STK3: variants seen among roughly 807,000 people sequenced by gnomAD.
STK3 encodes serine/threonine kinase 3.
A neutral mutation model predicts 58.0 loss-of-function variants in STK3; 41 were observed. The observed-to-expected ratio is 0.71, with a 90% CI of 0.55 to 0.92. The LOEUF is 0.92. Ranked by LOEUF, STK3 falls within the 40% of genes least tolerant of loss-of-function variation. STK3 has a pLI of 0.00. For synonymous variants in STK3, 170 were observed against 191.0 expected, an observed-to-expected ratio of 0.89 and a Z score of 0.91; for missense variants, 479 against 602.7, an observed-to-expected ratio of 0.79 and a Z score of 2.15.
intron 6 of STK3, among the ~76,000 whole-genome samples, chr8:98,651,067 G>T (rs1236632455): frequency 3.3e-5 from 5 of 152,212 alleles, no homozygotes; most frequent in African/African-American, 9.6e-5. Context: ...CCTGGCCCTG[G>T]AGCCGCCTAA....
At chr8:98,802,023 T>C (rs1162065093) in intron 1 of STK3, among the ~76,000 whole-genome samples, 3 of 152,120 alleles carry the variant, frequency 2.0e-5, no homozygotes, top group African/African-American at 7.2e-5. Flanking sequence ...CATTTTAAAA[T>C]TAGCCAGGCA....
At chr8:98,658,084 TTA>T (rs1252678926) in intron 6 of STK3, among the ~76,000 whole-genome samples, 3 of 152,022 alleles carry the variant, frequency 2.0e-5, no homozygotes, top group African/African-American at 7.2e-5. Flanking sequence ...TATAAAATCT[TTA>T]TATGTCAGTA....
intron 8 of STK3, among the ~76,000 whole-genome samples, chr8:98,555,665 AC>A (rs1654383164): frequency 6.6e-6 from 1 of 152,168 alleles, no homozygotes; most frequent in South Asian, 2.1e-4. Flanking sequence ...TCAGAAAAAA[AC>A]GTGTAAAATA....
intron 2 of STK3, among the ~76,000 whole-genome samples, chr8:98,372,867 A>G (rs943174392): frequency 2.6e-5 from 4 of 152,214 alleles, no homozygotes; most frequent in Non-Finnish European, 5.9e-5. Context: ...TGGTGTCCTC[A>G]TTTACAATGT....
intron 6 of STK3, among the ~76,000 whole-genome samples, chr8:98,610,169 G>T (rs1431518364): frequency 2.1e-5 from 3 of 141,068 alleles, no homozygotes; most frequent in African/African-American, 8.3e-5. Context: ...GAACTATCTG[G>T]AATGTACCAA....
chr8:98,753,649 AAAT>A (rs1185103594), intron 3 of STK3, among the ~76,000 whole-genome samples: 1 of 152,130 alleles, frequency 6.6e-6, no homozygotes, highest in African/African-American at 2.4e-5. Context: ...ATAAATAAAT[AAAT>A]AATAAAAACA....
chr8:98,698,263 A>T (rs7841910), intron 6 of STK3, among the ~76,000 whole-genome samples: 150,376 of 150,656 alleles, frequency 1, 75,051 homozygotes, highest in Admixed American at 1. Context: ...GTGTCTCTGC[A>T]CGTGAGATGG....
chr8:98,691,493 T>C (rs1371938625), intron 6 of STK3, among the ~76,000 whole-genome samples: 2 of 151,964 alleles, frequency 1.3e-5, no homozygotes, highest in South Asian at 2.1e-4. Flanking sequence ...TGTATTATAA[T>C]TGGGGTGGAG....
Position 98,376,729 on chromosome 8 carries a change from T to C in STK3, n.111+2424A>G, listed in dbSNP as rs931341279. On this transcript the variant is annotated intron_variant and non_coding_transcript_variant, in intron 2 of 2. Coordinates refer to the STK3 transcript ENST00000518704. ...TTTAGAGTTCAATGGAAAACGTATG[T>C]TTATAACTTAAGAGTGAAATATCTC... 6.6e-5 allele frequency among the ~76,000 whole-genome samples: 10 copies of C among 152,158 alleles called. 1 individual carries two copies. The East Asian group carries it at 1.5e-3, about 23-fold the overall frequency.
At chr8:98,581,635 T>C (rs979750201) in intron 7 of STK3, among the ~76,000 whole-genome samples, 1 of 151,692 alleles carries the variant, frequency 6.6e-6, no homozygotes, top group Non-Finnish European at 1.5e-5. Context: ...TACTAGGCTG[T>C]CCATTTCTCC....
intron 6 of STK3, among the ~76,000 whole-genome samples, chr8:98,616,573 C>T (rs1351603526): frequency 2.9e-5 from 4 of 139,880 alleles, no homozygotes; most frequent in Admixed American, 7.2e-5. Flanking sequence ...ACCCATCTCA[C>T]GTGCAGAGAC....
chr8:98,832,637 G>A (rs1029105885), intron 3 of STK3, among the ~76,000 whole-genome samples: 2 of 152,116 alleles, frequency 1.3e-5, no homozygotes, highest in African/African-American at 4.8e-5. Flanking sequence ...ATGTCTGACC[G>A]CCTATCCTGT....
intron 1 of STK3, among the ~76,000 whole-genome samples, chr8:98,447,533 C>T (rs975265852): frequency 1.4e-5 from 2 of 147,864 alleles, no homozygotes; most frequent in African/African-American, 2.5e-5. Flanking sequence ...TTGTATATAT[C>T]GTATTGCATA....
chr8:98,811,698 C>T (rs572225933), intron 1 of STK3, among the ~76,000 whole-genome samples: 1 of 152,082 alleles, frequency 6.6e-6, no homozygotes, highest in Admixed American at 6.6e-5. Flanking sequence ...TCAAAGTTAG[C>T]GTTAAATAAC....
At chr8:98,903,542 TTCTTCTTCTTCTTCC>T (rs1564093525) in intron 1 of STK3, among the ~76,000 whole-genome samples, 5 of 25,728 alleles carry the variant, frequency 1.9e-4, no homozygotes, top group Non-Finnish European at 2.5e-4. Context: ...CTTCTTCTTC[TTCTTCTTCTTCTTCC>T]TTTTTTTTTT....
At chr8:98,361,567 G>A in the STK3 span, among the ~76,000 whole-genome samples, 1 of 152,136 alleles carries the variant, frequency 6.6e-6, no homozygotes, top group African/African-American at 2.4e-5. Flanking sequence ...ACAATAAATT[G>A]AGCTATATTT....
At chr8:98,356,232 A>G in the STK3 span, among the ~76,000 whole-genome samples, 1 of 152,206 alleles carries the variant, frequency 6.6e-6, no homozygotes, top group East Asian at 1.9e-4. Flanking sequence ...CCTTGTCCCT[A>G]CTTCAGAAAG....
chr8:98,414,862 A>T (rs1818096378), intron 3 of STK3, among the ~76,000 whole-genome samples: 1 of 152,174 alleles, frequency 6.6e-6, no homozygotes, highest in Non-Finnish European at 1.5e-5. Flanking sequence ...TATCGGAAGG[A>T]TGTGTTGAAG....
intron 8 of STK3, among the ~76,000 whole-genome samples, chr8:98,552,409 TATCCCATCTAGTAATATCTGCCA>T (rs1380673087): frequency 2.0e-5 from 3 of 152,130 alleles, no homozygotes; most frequent in Non-Finnish European, 4.4e-5. Context: ...TGATCTGGCC[TATCCCATCTAGTAATATCTGCCA>T]ATCCCATCTC....
Sources: allele counts gnomAD v4.1 joint callset (sites outside exome capture counted in the v4.1 genomes callset), GRCh38; gene constraint gnomAD v4.1.1; transcripts MANE v1.5; gene names NCBI Gene and HGNC (gene_info 2026-07-23, HGNC 2026-07-21).